Variants in FAM13B observed in about 807,000 individuals in gnomAD.
FAM13B encodes protein FAM13B.
FAM13B carries 60 observed loss-of-function variants against 117.3 expected under a neutral mutation model. The ratio of observed to expected loss-of-function variants is 0.51; its 90% CI spans 0.42 to 0.63. The LOEUF (loss-of-function observed/expected upper bound fraction) is 0.63, where lower values mean the gene tolerates loss of function less well. Among genes scored for constraint, FAM13B ranks in the 30% least tolerant of loss-of-function variants. The pLI is 0.00. For missense variants in FAM13B, 972 were observed against 1,091.9 expected (o/e 0.89, Z 1.55); for synonymous variants, 332 against 356.1 (o/e 0.93, Z 0.76).
At position 137,943,189 on chromosome 5, in the gene FAM13B, G is replaced by C. The variant is rs756450474; in HGVS notation, c.2368C>G (p.Gln790Glu). The C allele has an allele frequency of 5.0e-6, 8 of 1,613,816 alleles. No individual in the cohort carries two copies. The Admixed American group carries it at 8.3e-5, about 17-fold the overall frequency. ...LGSPSTKRRG[Q>E]MLQPIIEGET... is the part of the protein sequence containing the mutation. The stretch of plus-strand genomic sequence containing the variant: ...CCTTCTATGATTGGCTGTAACATCT[G>C]ACCCCTTCGCTTGGTGGATGGAGAT... The change falls in exon 21 of 24, where the codon CAG (glutamine) becomes GAG (glutamate). Residue 790 changes from glutamine (Q) to glutamate (E), a missense_variant. Transcript: ENST00000689681.
Position 137,960,216 on chromosome 5 carries a change from TA to T in FAM13B, c.1245-3del. 1 of 1,485,022 alleles carries T rather than the reference TA, an allele frequency of 6.7e-7. No homozygotes were observed. Among genetic ancestry groups the T allele is most frequent in the Non-Finnish European group, 9.3e-7 (1 of 1,079,214 alleles). 92.0% of individuals were successfully genotyped at this position (1,485,022 alleles called of 1,614,324 possible). ...CTGTCAAATAACAAATATTCTTCCC[TA>T]AAAATACAAGTAAAGTTGTTAGTAT... On this transcript the variant is annotated splice_polypyrimidine_tract_variant and splice_region_variant and intron_variant, in intron 11 of 23. Coordinates refer to ENST00000689681, the MANE Select transcript of FAM13B (RefSeq NM_001385994.1).
intron 1 of FAM13B, among the ~76,000 whole-genome samples, chr5:138,041,862 C>T (rs150702539): frequency 2.7e-4 from 41 of 151,442 alleles, no homozygotes; most frequent in African/African-American, 8.5e-4. Flanking sequence ...CACCGCACTC[C>T]AGCCTGGGTG....
chr5:138,011,741 TAAAC>T (rs1051675720), intron 5 of FAM13B, 23 bp downstream of exon 5: 2 of 1,572,222 alleles, frequency 1.3e-6, no homozygotes, highest in Non-Finnish European at 1.7e-6. Context: ...TTTTAAAAAT[TAAAC>T]AAAAATTTTT....
At chr5:137,992,916 A>G (rs1470666093) in intron 7 of FAM13B, among the ~76,000 whole-genome samples, 1 of 151,566 alleles carries the variant, frequency 6.6e-6, no homozygotes, top group Non-Finnish European at 1.5e-5. Flanking sequence ...TAATACTACT[A>G]TTAATAAGTC....
At chr5:137,997,309 A>G (rs1434188639) in intron 7 of FAM13B, among the ~76,000 whole-genome samples, 1 of 152,032 alleles carries the variant, frequency 6.6e-6, no homozygotes, top group African/African-American at 2.4e-5. Context: ...CTCTACTAAA[A>G]TTACAAAAAA....
intron 18 of FAM13B, among the ~76,000 whole-genome samples, chr5:137,947,180 C>G (rs73790096): frequency 9.8e-4 from 149 of 152,298 alleles, no homozygotes; most frequent in African/African-American, 3.4e-3. Flanking sequence ...TAACACTAGA[C>G]CAAATAATCT....
chr5:138,007,244 C>T (rs1033951160), intron 6 of FAM13B, 97 bp from the exon 7 acceptor site: 1 of 940,378 alleles, frequency 1.1e-6, no homozygotes, highest in African/African-American at 1.7e-5. Flanking sequence ...ACAAACAACT[C>T]ATTTTTATTT....
intron 17 of FAM13B, among the ~76,000 whole-genome samples, chr5:137,949,672 C>T (rs527287928): frequency 1.6e-4 from 25 of 152,166 alleles, no homozygotes; most frequent in African/African-American, 4.6e-4. Context: ...TGGTGGCACA[C>T]ACCTGTAATC....
At chr5:137,946,362 C>CA (rs745778773) in intron 18 of FAM13B, 51 bp from the exon 19 acceptor site, 88 of 1,176,102 alleles carry the variant, frequency 7.5e-5, no homozygotes, top group Middle Eastern at 2.5e-4. Context: ...AAAACAAAAA[C>CA]AAAAAAACTC....
intron 2 of FAM13B, 147 bp from the exon 3 acceptor site, chr5:138,019,293 A>G: frequency 1.5e-6 from 1 of 655,060 alleles, no homozygotes; most frequent in Non-Finnish European, 2.5e-6. Flanking sequence ...TGTTCTACAG[A>G]TGAAGTTCAG....
chr5:137,973,043 T>TTA (rs1374770661), intron 10 of FAM13B, among the ~76,000 whole-genome samples: 1 of 152,074 alleles, frequency 6.6e-6, no homozygotes, highest in Non-Finnish European at 1.5e-5. Flanking sequence ...CCAAGGTAAT[T>TTA]TATAGATTCA....
chr5:137,994,230 G>C (rs995068329), intron 7 of FAM13B, among the ~76,000 whole-genome samples: 1 of 152,078 alleles, frequency 6.6e-6, no homozygotes, highest in African/African-American at 2.4e-5. Context: ...TTTTAATAAG[G>C]AGCCTCCCAC....
chr5:137,969,012 A>C (rs1771089637), intron 10 of FAM13B, among the ~76,000 whole-genome samples: 1 of 152,220 alleles, frequency 6.6e-6, no homozygotes, highest in Non-Finnish European at 1.5e-5. Flanking sequence ...TCAAACTGCA[A>C]GGCGGCAGCG....
chr5:138,028,208 CT>C (rs1446026337), intron 1 of FAM13B, among the ~76,000 whole-genome samples: 1 of 152,064 alleles, frequency 6.6e-6, no homozygotes, highest in East Asian at 1.9e-4. Flanking sequence ...AATTTCACTG[CT>C]TTAAAAAATA....
At chr5:137,971,908 C>A (rs1439338363) in intron 10 of FAM13B, among the ~76,000 whole-genome samples, 1 of 152,040 alleles carries the variant, frequency 6.6e-6, no homozygotes, top group African/African-American at 2.4e-5. Flanking sequence ...CAAGACTAAA[C>A]CAGGAAGAAG....
rs1403166388 is a variant in FAM13B at position 137,940,335 on chromosome 5, C to G, written c.2704G>C (p.Glu902Gln). The part of the protein sequence containing the change: ...YQQNGRNAQK[E>Q]DRVPVLEEYR... ...TCCTCAAGCACTGGAACACGATCCTCTTTCTGGGCATTCCTAGGGGAGAAA... is the reference window on the plus strand; with the variant it reads ...TCCTCAAGCACTGGAACACGATCCTGTTTCTGGGCATTCCTAGGGGAGAAA... The change falls in exon 24 of 24, where the codon GAG (glutamate) becomes CAG (glutamine). Residue 902 changes from glutamate to glutamine, a missense_variant. Physicochemically the swap from Glu to Gln is conservative, Grantham distance 29. Coordinates refer to ENST00000689681, the MANE Select transcript of FAM13B (RefSeq NM_001385994.1). The G allele has an allele frequency of 6.2e-7, 1 of 1,603,196 alleles. No individual in the cohort carries two copies. The highest frequency in any genetic ancestry group is 8.5e-7 in the Non-Finnish European group (1 of 1,173,646).
chr5:137,975,928 G>T (rs1299688057), intron 10 of FAM13B, among the ~76,000 whole-genome samples: 1 of 151,322 alleles, frequency 6.6e-6, no homozygotes, highest in Non-Finnish European at 1.5e-5. Flanking sequence ...ATGGGGGACG[G>T]GAGTGGGGAA....
chr5:137,971,539 A>G (rs1284205160), intron 10 of FAM13B, among the ~76,000 whole-genome samples: 1 of 149,474 alleles, frequency 6.7e-6, no homozygotes, highest in African/African-American at 2.5e-5. Context: ...CCCTAACATC[A>G]CAATTAAAAG....
At chr5:137,988,857 C>T (rs1236966967) in intron 7 of FAM13B, among the ~76,000 whole-genome samples, 6 of 152,134 alleles carry the variant, frequency 3.9e-5, no homozygotes, top group Non-Finnish European at 7.3e-5. Flanking sequence ...ATTTTTCACA[C>T]AAAAAGACCC....
Sources: gnomAD v4.1 joint callset for allele counts (sites outside exome capture counted in the v4.1 genomes callset) on GRCh38, gnomAD v4.1.1 for gene constraint, MANE v1.5 for transcripts, NCBI Gene and HGNC (gene_info 2026-07-23, HGNC 2026-07-21) for gene names.